Variants in F11R observed in about 807,000 individuals in gnomAD.
F11R encodes junctional adhesion molecule A.
A neutral mutation model predicts 39.3 loss-of-function variants in F11R; 27 were observed. The ratio of observed to expected loss-of-function variants is 0.69; its 90% confidence interval spans 0.51 to 0.95. The LOEUF (loss-of-function observed/expected upper bound fraction) is 0.95, where lower values mean the gene tolerates loss of function less well. Among genes scored for constraint, F11R ranks in the 40% least tolerant of loss-of-function variants. The pLI, the probability that F11R is intolerant of heterozygous loss-of-function variation, is 0.00. For missense variants in F11R, 335 were observed against 372.7 expected (o/e 0.90, Z 0.83); for synonymous variants, 131 against 144.9 (o/e 0.90, Z 0.69).
At position 160,996,592 on chromosome 1, in the gene F11R, CCT is replaced by C. The variant is rs1648136168; in HGVS notation, c.*2277_*2278del. ...ACCAGCCCGACCAACATGGTGAAAC[CCT>C]GTCTCTACTAAAAACACAAAAATTA... On this transcript the variant is annotated 3_prime_UTR_variant, in exon 10 of 10. Coordinates refer to ENST00000368026, the MANE Select transcript of F11R (RefSeq NM_016946.6). 1 of 152,212 alleles carries C rather than the reference CCT, an allele frequency of 6.6e-6. No homozygotes were observed. The highest frequency in any genetic ancestry group is 2.1e-4 in the South Asian group (1 of 4,834). 9.4% of individuals were successfully genotyped at this position (152,212 alleles called of 1,614,324 possible).
intron 1 of F11R, among the ~76,000 whole-genome samples, chr1:161,015,397 C>CAAA (rs72369371): frequency 0.12 from 13,414 of 113,272 alleles, 885 homozygotes; most frequent in Middle Eastern, 0.21. Context: ...GACTCCATCT[C>CAAA]AAAAAAAAAA....
chr1:160,999,125 C>G, intron 8 of F11R, 34 bp from the exon 9 acceptor site: 1 of 1,613,944 alleles, frequency 6.2e-7, no homozygotes, highest in Non-Finnish European at 8.5e-7. Context: ...GACACTCAGC[C>G]ACCTAGGTGC....
rs1557889720 is a variant in F11R, at chr1:161,000,756, G to A, written c.263C>T (p.Thr88Ile). ...KITASYEDRV[T>I]FLPTGITFKS... ...GAAGGTGATACCAGTTGGCAAGAAG[G>A]TCACCCGGTCCTCATAGGAAGCTAC... Residue 88 changes from threonine (T) to isoleucine (I), a missense_variant, in exon 4 of 10, where the codon ACC becomes ATC. Physicochemically the swap from Thr to Ile is moderately conservative, Grantham distance 89 (BLOSUM62 -1). Coordinates refer to ENST00000368026, the MANE Select transcript of F11R (RefSeq NM_016946.6). 9 of 1,614,036 alleles carry A rather than the reference G, an allele frequency of 5.6e-6. No homozygotes were observed. In the South Asian group the frequency reaches 8.8e-5, roughly 16 times the overall value.
At chr1:161,020,143 AG>A (rs1377046834) in intron 1 of F11R, among the ~76,000 whole-genome samples, 1 of 152,198 alleles carries the variant, frequency 6.6e-6, no homozygotes, top group Non-Finnish European at 1.5e-5. Flanking sequence ...CTAAACGCTC[AG>A]CCCCACACAA....
At chr1:161,019,156 T>C (rs1649610459) in intron 1 of F11R, among the ~76,000 whole-genome samples, 4 of 151,694 alleles carry the variant, frequency 2.6e-5, no homozygotes, top group Admixed American at 2.6e-4. Flanking sequence ...AGTACAAAGG[T>C]TGGAAAAACC....
intron 5 of F11R, 83 bp downstream of exon 5, chr1:161,000,063 C>T (rs1648378489): frequency 1.9e-6 from 3 of 1,598,320 alleles, no homozygotes; most frequent in South Asian, 1.1e-5. Flanking sequence ...TCCAAGTTCA[C>T]CCTGTTGCCT....
At position 160,996,770 on chromosome 1, in the gene F11R, A is replaced by C. The variant is rs888271399; in HGVS notation, c.*2101T>G. Reference sequence around the variant, plus strand: ...GACAGAGCGAGACTCCGTCTTTAAAAAAACAAAACAAAACAAAACAAAAAA... The same window carrying C: ...GACAGAGCGAGACTCCGTCTTTAAACAAACAAAACAAAACAAAACAAAAAA... On this transcript the variant is annotated 3_prime_UTR_variant, in exon 10 of 10. Coordinates refer to ENST00000368026, the MANE Select transcript of F11R (RefSeq NM_016946.6). 29 of 152,232 alleles carry C rather than the reference A, an allele frequency of 1.9e-4. No individual in the cohort carries two copies. The highest frequency in any genetic ancestry group is 3.2e-3 in the Middle Eastern group (1 of 316). The allele number at this position is 152,232 out of a possible 1,614,324, so 9.4% of individuals were successfully genotyped here.
At chr1:161,009,958 C>T (rs1182103124) in intron 1 of F11R, among the ~76,000 whole-genome samples, 1 of 151,872 alleles carries the variant, frequency 6.6e-6, no homozygotes, top group East Asian at 1.9e-4. Flanking sequence ...AAAGTTTCCT[C>T]CCCATGAATC....
rs780000546 is a variant in F11R, at chr1:161,000,762, C to T, written c.257G>A (p.Arg86Gln). 1.3e-5 allele frequency: 21 copies of T among 1,613,984 alleles called. No homozygotes were observed. Among genetic ancestry groups the T allele is most frequent in the Admixed American group, 1.7e-5 (1 of 59,988 alleles). ...GATACCAGTTGGCAAGAAGGTCACCCGGTCCTCATAGGAAGCTACCACAAG... is the reference window on the plus strand; with the variant it reads ...GATACCAGTTGGCAAGAAGGTCACCTGGTCCTCATAGGAAGCTACCACAAG... ...NNKITASYED[R>Q]VTFLPTGITF... The change falls in exon 4 of 10, where the codon CGG (arginine) becomes CAG (glutamine). Residue 86 changes from arginine to glutamine, a missense_variant. Transcript: ENST00000368026.
In F11R at chr1:160,998,023, G is replaced by C. The variant is rs1648229441; in HGVS notation, c.*848C>G. 2 of 152,166 alleles carry C rather than the reference G, an allele frequency of 1.3e-5. No homozygotes were observed. Among genetic ancestry groups the C allele is most frequent in the Admixed American group, 6.5e-5 (1 of 15,268 alleles). 9.4% of individuals were successfully genotyped at this position (152,166 alleles called of 1,614,324 possible). A position where few individuals can be genotyped will look rare whatever the true frequency, so the allele number is the denominator to read the frequency against. On this transcript the variant is annotated 3_prime_UTR_variant, in exon 10 of 10. Coordinates refer to ENST00000368026, the MANE Select transcript of F11R (RefSeq NM_016946.6). The stretch of plus-strand genomic sequence containing the variant: ...TTGTTGCCAGGCTCCTGAGCAGCTG[G>C]GATTACAGGCATGCACCACTATGCC...
At chr1:161,002,218 C>G (rs1317581401) in intron 1 of F11R, among the ~76,000 whole-genome samples, 2 of 147,818 alleles carry the variant, frequency 1.4e-5, no homozygotes, top group African/African-American at 5.0e-5. Flanking sequence ...GCCGAGATCG[C>G]GCCACTGCCC....
chr1:160,999,212 T>C, intron 8 of F11R, 121 bp from the exon 9 acceptor site: 1 of 1,388,838 alleles, frequency 7.2e-7, no homozygotes, highest in South Asian at 1.2e-5. Context: ...AGCAGACAGG[T>C]ATGGGTGGGG....
chr1:160,999,013 C>T (rs772790343), intron 9 of F11R, 30 bp downstream of exon 9: 5 of 1,614,092 alleles, frequency 3.1e-6, no homozygotes, highest in Non-Finnish European at 4.2e-6. Context: ...CCCCAGGTGG[C>T]CCACCCCTGC....
chr1:161,011,275 C>A (rs1046783394), intron 1 of F11R, among the ~76,000 whole-genome samples: 1 of 151,950 alleles, frequency 6.6e-6, no homozygotes. Flanking sequence ...TCAAGTGATC[C>A]GTCCGCCCCA....
chr1:161,020,981 C>A (rs372574631), intron 1 of F11R, 29 bp downstream of exon 1: 3 of 1,611,796 alleles, frequency 1.9e-6, no homozygotes, highest in African/African-American at 1.3e-5. Flanking sequence ...CCCGACCAAC[C>A]GATTCCTCCC....
Position 160,996,318 on chromosome 1 carries a change from TA to T in F11R, c.*2552del, listed in dbSNP as rs1458709692. 2.0e-5 allele frequency: 3 copies of T among 152,338 alleles called. No individual in the cohort carries two copies. The highest frequency in any genetic ancestry group is 7.2e-5 in the African/African-American group (3 of 41,432). The allele number at this position is 152,338 out of a possible 1,614,324, so 9.4% of individuals were successfully genotyped here. The stretch of plus-strand genomic sequence containing the variant: ...GAGAAGTAAATTCCAAGGCTGGCAA[TA>T]ACTGACTCATATTCTTCACAAGTGG... On this transcript the variant is annotated 3_prime_UTR_variant, in exon 10 of 10. Coordinates refer to ENST00000368026, the MANE Select transcript of F11R (RefSeq NM_016946.6).
intron 4 of F11R, 113 bp from the exon 5 acceptor site, chr1:161,000,461 A>G (rs1648414672): frequency 8.5e-6 from 12 of 1,410,464 alleles, no homozygotes; most frequent in Admixed American, 1.8e-5. Context: ...TACTCTCACC[A>G]TGCCCCTGGC....
At chr1:161,016,868 T>C (rs546889898) in intron 1 of F11R, among the ~76,000 whole-genome samples, 9 of 152,218 alleles carry the variant, frequency 5.9e-5, no homozygotes, top group Admixed American at 1.3e-4. Context: ...AGATTGTTAC[T>C]GTGTCTGTGT....
chr1:161,019,980 A>G (rs1435475648), intron 1 of F11R, among the ~76,000 whole-genome samples: 1 of 152,196 alleles, frequency 6.6e-6, no homozygotes, highest in Non-Finnish European at 1.5e-5. Context: ...GTAATCATTC[A>G]TTTAACACTT....
Sources: gnomAD v4.1 joint callset for allele counts (sites outside exome capture counted in the v4.1 genomes callset) on GRCh38, gnomAD v4.1.1 for gene constraint, MANE v1.5 for transcripts, NCBI Gene and HGNC (gene_info 2026-07-23, HGNC 2026-07-21) for gene names.